Variants in GID4 observed in about 807,000 individuals in gnomAD.
GID4 encodes GID complex subunit 4 homolog, also known as glucose-induced degradation protein 4 homolog.
In GID4, 7 loss-of-function variants were observed where a neutral mutation model predicts 32.4. That is an observed-to-expected ratio of 0.22 (90% CI 0.12 to 0.41). GID4 has a LOEUF of 0.41. GID4 is among the 10% of genes least tolerant of loss of function. The pLI, the probability that GID4 is intolerant of heterozygous loss-of-function variation, is 1.00. For synonymous variants in GID4, 166 were observed against 170.0 expected, an observed-to-expected ratio of 0.98 and a Z score of 0.18; for missense variants, 309 against 400.0, an observed-to-expected ratio of 0.77 and a Z score of 1.94.
intron 2 of GID4, among the ~76,000 whole-genome samples, chr17:18,045,919 A>C (rs78019449): frequency 6.6e-6 from 1 of 152,138 alleles, no homozygotes; most frequent in East Asian, 1.9e-4. Flanking sequence ...AAGAAAAAAA[A>C]GGGGAAGTGA....
In GID4 at chr17:18,061,170, C is replaced by T. The variant is rs903511349; in HGVS notation, c.709-675C>T. On this transcript the variant is annotated intron_variant, in intron 4 of 5. Transcript: ENST00000268719. This position sits in a 1 kb window ranked among gnomAD's most constrained non-coding sequence, Gnocchi z 4.4. ...GTCTCAGAGTGGCTCATCTGTGGTC[C>T]TTTAGTAGACCACCTGAGGCCCTGG... Among the ~76,000 whole-genome samples, 1 of 152,174 alleles carries T rather than the reference C, an allele frequency of 6.6e-6. No homozygotes were observed. Among genetic ancestry groups the T allele is most frequent in the Non-Finnish European group, 1.5e-5 (1 of 68,048 alleles).
At chr17:18,055,170 CAAA>C (rs1229089550) in intron 3 of GID4, among the ~76,000 whole-genome samples, 3 of 59,724 alleles carry the variant, frequency 5.0e-5, no homozygotes, top group African/African-American at 1.3e-4. Context: ...GACTCCGTCT[CAAA>C]AAAAAAAAAA....
At chr17:18,049,777 A>T (rs1425307845) in intron 2 of GID4, among the ~76,000 whole-genome samples, 1 of 152,044 alleles carries the variant, frequency 6.6e-6, no homozygotes, top group East Asian at 1.9e-4. Context: ...AGCATGTACC[A>T]CCACACCAGG....
Position 18,061,788 on chromosome 17 carries a change from GC to G in GID4, c.709-53del. On this transcript the variant is annotated intron_variant, in intron 4 of 5. Transcript: ENST00000268719. This position sits in a 1 kb window ranked among gnomAD's most constrained non-coding sequence, Gnocchi z 4.4. ...GAACCCCCTGATGCTTAACAGGGAG[GC>G]CCCGTGGGTGGTCAGAGAATGCTAT... 1 of 1,570,180 alleles carries G rather than the reference GC, an allele frequency of 6.4e-7. No homozygotes were observed. Among genetic ancestry groups the G allele is most frequent in the Non-Finnish European group, 8.8e-7 (1 of 1,141,904 alleles).
chr17:18,044,373 A>C (rs1445649206), intron 1 of GID4, among the ~76,000 whole-genome samples: 2 of 152,148 alleles, frequency 1.3e-5, no homozygotes, highest in African/African-American at 4.8e-5. Context: ...AAAAAGGAGG[A>C]AATTGTTTGT....
At chr17:18,053,564 C>T (rs1188983838) in intron 2 of GID4, among the ~76,000 whole-genome samples, 1 of 151,974 alleles carries the variant, frequency 6.6e-6, no homozygotes, top group African/African-American at 2.4e-5. Flanking sequence ...TTGCAGTGAA[C>T]CGAAATTGTG....
At chr17:18,056,660 T>A (rs780239678) in intron 3 of GID4, 179 of 1,533,326 alleles carry the variant, frequency 1.2e-4, no homozygotes, top group Middle Eastern at 3.4e-4. Context: ...ACAAATTAAA[T>A]ACTTGGAAAG....
chr17:18,039,757 C>T lies in GID4; in HGVS notation c.293C>T (p.Ala98Val), dbSNP rs759471091. 2.3e-5 allele frequency: 36 copies of T among 1,562,790 alleles called. No individual in the cohort carries two copies. Among genetic ancestry groups the T allele is most frequent in the Admixed American group, 3.7e-5 (2 of 54,138 alleles). Residue 98 changes from alanine to valine, a missense_variant, in exon 1 of 6, where the codon GCT (alanine) becomes GTT (valine). Transcript: ENST00000268719. The surrounding 1 kb of genome is among the most constrained non-coding windows in gnomAD (Gnocchi z 5.3). ...TECPPPAGAS[A>V]ASAASLIPPP... ...TGTCCCCCGCCGGCCGGTGCCTCCGCTGCCTCCGCGGCCTCACTCATCCCG... is the reference window on the plus strand; with the variant it reads ...TGTCCCCCGCCGGCCGGTGCCTCCGTTGCCTCCGCGGCCTCACTCATCCCG...
chr17:18,049,988 C>G (rs1221648688), intron 2 of GID4, among the ~76,000 whole-genome samples: 1 of 152,182 alleles, frequency 6.6e-6, no homozygotes, highest in Non-Finnish European at 1.5e-5. Flanking sequence ...ATTTGGTTTT[C>G]TGTTCCTGCA....
chr17:18,039,814 TG>T lies in GID4; in HGVS notation c.352del (p.Ala118ProfsTer24). On this transcript the variant is annotated frameshift_variant, in exon 1 of 6. Coordinates refer to ENST00000268719, the MANE Select transcript of GID4 (RefSeq NM_024052.5). LOFTEE classifies it high-confidence loss of function. The surrounding 1 kb of genome is among the most constrained non-coding windows in gnomAD (Gnocchi z 5.3). ...CCCATCAACACCCAGCAGCCCGGCGTGGCCACCAGCCTGCTCTACAGCGGCT... is the reference window on the plus strand; with the variant it reads ...CCCATCAACACCCAGCAGCCCGGCGTGCCACCAGCCTGCTCTACAGCGGCT... ...PPPINTQQPG[V>X]ATSLLYSGSK... 1 of 1,577,254 alleles carries T rather than the reference TG, an allele frequency of 6.3e-7. No individual in the cohort carries two copies. Among genetic ancestry groups the T allele is most frequent in the Non-Finnish European group, 8.6e-7 (1 of 1,162,916 alleles).
At chr17:18,046,437 G>A (rs956735596) in intron 2 of GID4, among the ~76,000 whole-genome samples, 2 of 151,678 alleles carry the variant, frequency 1.3e-5, no homozygotes, top group African/African-American at 4.8e-5. Context: ...AGACCTTGTC[G>A]CTACAAATAA....
At chr17:18,064,083 G>A (rs2955371) in intron 5 of GID4, among the ~76,000 whole-genome samples, 70,298 of 152,084 alleles carry the variant, frequency 0.46, 18,814 homozygotes, top group Non-Finnish European at 0.63. Flanking sequence ...TTATTTAGTG[G>A]ACACTTAGAT....
chr17:18,062,048 C>G, intron 5 of GID4, 73 bp downstream of exon 5: 1 of 1,401,564 alleles, frequency 7.1e-7, no homozygotes, highest in South Asian at 1.2e-5. Flanking sequence ...CTCATCAAAC[C>G]CAAAAGCAAC....
intron 4 of GID4, among the ~76,000 whole-genome samples, chr17:18,059,569 C>T (rs2045000534): frequency 6.6e-6 from 1 of 152,076 alleles, no homozygotes; most frequent in Non-Finnish European, 1.5e-5. Context: ...CTTTTAGCTG[C>T]GAGGTCATTT....
chr17:18,039,656 C>A lies in GID4; in HGVS notation c.192C>A (p.Arg64=), dbSNP rs545188753. ...TCCCCGCCACCCTCCTCGGCTCCCGCGCGGCGGCGGCGGTTCCTCTCCCAC... is the reference window on the plus strand; with the variant it reads ...TCCCCGCCACCCTCCTCGGCTCCCGAGCGGCGGCGGCGGTTCCTCTCCCAC... ...LSLPATLLGS[R]AAAAVPLPLP... Residue 64 remains arginine (R), a synonymous_variant, in exon 1 of 6, where the codon CGC becomes CGA. Coordinates refer to ENST00000268719, the MANE Select transcript of GID4 (RefSeq NM_024052.5). This position sits in a 1 kb window ranked among gnomAD's most constrained non-coding sequence, Gnocchi z 5.3. 5 of 1,358,268 alleles carry A rather than the reference C, an allele frequency of 3.7e-6. No individual in the cohort carries two copies. Among genetic ancestry groups the A allele is most frequent in the Non-Finnish European group, 4.7e-6 (5 of 1,057,198 alleles). 84.1% of individuals were successfully genotyped at this position (1,358,268 alleles called of 1,614,324 possible).
chr17:18,053,974 G>T (rs2044939773), intron 2 of GID4, among the ~76,000 whole-genome samples, 153 bp from the exon 3 acceptor site: 1 of 152,138 alleles, frequency 6.6e-6, no homozygotes, highest in South Asian at 2.1e-4. Context: ...ACAGCCTGTT[G>T]GCAAACTGGC....
In GID4 at chr17:18,061,989, A is replaced by G. The variant is rs765249378; in HGVS notation, c.839+14A>G. On this transcript the variant is annotated intron_variant, in intron 5 of 5. Coordinates refer to ENST00000268719, the MANE Select transcript of GID4 (RefSeq NM_024052.5). This position sits in a 1 kb window ranked among gnomAD's most constrained non-coding sequence, Gnocchi z 4.4. ...GAGTTCAGAATGGTGAGGACCTCTG[A>G]GGACAGAGGCCACGGGGAGGGCTTG... 6.2e-7 allele frequency: 1 copy of G among 1,612,584 alleles called. No homozygotes were observed. Among genetic ancestry groups the G allele is most frequent in the South Asian group, 1.1e-5 (1 of 91,066 alleles).
chr17:18,054,317 T>TA, intron 3 of GID4, 83 bp downstream of exon 3: 1 of 828,162 alleles, frequency 1.2e-6, no homozygotes, highest in Non-Finnish European at 2.0e-6. Flanking sequence ...CCTTGTCCCT[T>TA]ATTGAGGATT....
intron 3 of GID4, among the ~76,000 whole-genome samples, chr17:18,058,550 T>C (rs1337656468): frequency 2.6e-5 from 4 of 152,226 alleles, no homozygotes; most frequent in Non-Finnish European, 4.4e-5. Context: ...CATTAATTTT[T>C]CTTAGCTTTC....
Sources: gnomAD v4.1 joint callset for allele counts (sites outside exome capture counted in the v4.1 genomes callset) on GRCh38, gnomAD v4.1.1 for gene constraint, Gnocchi (gnomAD v3.1) non-coding constraint, MANE v1.5 for transcripts, NCBI Gene and HGNC (gene_info 2026-07-23, HGNC 2026-07-21) for gene names.